BICDL1: variants seen among roughly 807,000 people sequenced by gnomAD.
The protein encoded by BICDL1 is BICD family like cargo adaptor 1, also known as BICD family-like cargo adapter 1.
A neutral mutation model predicts 76.8 loss-of-function variants in BICDL1; 20 were observed. The observed-to-expected ratio is 0.26, with a 90% CI of 0.18 to 0.38. BICDL1 has a LOEUF of 0.38. BICDL1 is among the 10% of genes least tolerant of loss of function. The pLI is 1.00. For missense variants in BICDL1, 700 were observed against 798.6 expected, an observed-to-expected ratio of 0.88 and a Z score of 1.49; for synonymous variants, 383 against 337.1, an observed-to-expected ratio of 1.14 and a Z score of -1.49.
rs1033869619 is a variant in BICDL1, at chr12:120,072,729, G to A, written c.1308G>A (p.Thr436=). 1.2e-6 allele frequency: 2 copies of A among 1,611,072 alleles called. No homozygotes were observed. The highest frequency in any genetic ancestry group is 1.7e-6 in the Non-Finnish European group (2 of 1,179,476). The change falls in exon 6 of 10, where the codon ACG becomes ACA. Residue 436 remains threonine, a splice_region_variant and synonymous_variant. Coordinates refer to ENST00000548673, the MANE Select transcript of BICDL1 (RefSeq NM_001367886.1). ...IQSIVDGMEP[T]GSRRLDDDSL... The stretch of plus-strand genomic sequence containing the variant: ...GCATTGTGGATGGCATGGAGCCCAC[G>A]GTAAGAGGCCAGTCTGAGATGGTCC...
chr12:120,088,427 G>A (rs1264161864), intron 8 of BICDL1, among the ~76,000 whole-genome samples: 1 of 151,966 alleles, frequency 6.6e-6, no homozygotes, highest in Non-Finnish European at 1.5e-5. Flanking sequence ...CACAATCTGG[G>A]CTCACTGCAA....
intron 9 of BICDL1, 58 bp downstream of exon 9, chr12:120,090,129 CAGGCAGAGTGTA>C: frequency 1.3e-6 from 2 of 1,595,468 alleles, no homozygotes; most frequent in Non-Finnish European, 1.7e-6. Flanking sequence ...TCTCTGAACC[CAGGCAGAGTGTA>C]AGGAGAGTTT....
rs924607845 is a variant in BICDL1, at chr12:119,989,312, T to TCGC, written c.-550_-548dup. On this transcript the variant is annotated 5_prime_UTR_variant, in exon 1 of 10. Transcript: ENST00000548673. ...GCCCCTGCAGCAGCAGCAGCCGCCG[T>TCGC]CGCCGCCGCTGCTGCTGGGGCTGCC... 6.7e-6 allele frequency among the ~76,000 whole-genome samples: 1 copy of TCGC among 149,762 alleles called. No individual in the cohort carries two copies. The highest frequency in any genetic ancestry group is 1.5e-5 in the Non-Finnish European group (1 of 67,222).
chr12:120,004,151 C>T (rs1951811110), intron 2 of BICDL1, among the ~76,000 whole-genome samples: 1 of 152,164 alleles, frequency 6.6e-6, no homozygotes. Context: ...CGAGAATTCA[C>T]CTTAAAATAA....
At chr12:120,081,579 C>CCTCAGGT (rs1873992893) in intron 8 of BICDL1, among the ~76,000 whole-genome samples, 1 of 151,934 alleles carries the variant, frequency 6.6e-6, no homozygotes, top group Non-Finnish European at 1.5e-5. Context: ...CAACTCCTGA[C>CCTCAGGT]CTCAGGTGAT....
intron 2 of BICDL1, among the ~76,000 whole-genome samples, chr12:120,028,848 C>T (rs939953162): frequency 6.6e-6 from 1 of 151,982 alleles, no homozygotes; most frequent in African/African-American, 2.4e-5. Context: ...GAAACCCTGT[C>T]TCTAAACAAA....
chr12:120,042,635 T>A (rs1952665956), intron 2 of BICDL1, among the ~76,000 whole-genome samples: 1 of 151,936 alleles, frequency 6.6e-6, no homozygotes, highest in African/African-American at 2.4e-5. Flanking sequence ...TGAAACCCTG[T>A]CTCTACTAAA....
chr12:120,088,663 T>C (rs984918972), intron 8 of BICDL1, among the ~76,000 whole-genome samples: 1 of 138,570 alleles, frequency 7.2e-6, no homozygotes, highest in Non-Finnish European at 1.5e-5. Context: ...GGCCACACTT[T>C]ATGGGGTTTT....
chr12:120,058,070 C>T (rs973196087), intron 2 of BICDL1, among the ~76,000 whole-genome samples: 6 of 151,950 alleles, frequency 3.9e-5, no homozygotes, highest in South Asian at 2.1e-4. Flanking sequence ...CCTGACCTCG[C>T]GATCCACCCG....
intron 2 of BICDL1, among the ~76,000 whole-genome samples, chr12:120,017,544 A>G (rs1952090560): frequency 6.6e-6 from 1 of 152,206 alleles, no homozygotes; most frequent in Non-Finnish European, 1.5e-5. Context: ...AGCGTGGGCA[A>G]CATAGCAAGA....
chr12:120,080,348 C>CG (rs1555293139), intron 7 of BICDL1, among the ~76,000 whole-genome samples: 1 of 152,182 alleles, frequency 6.6e-6, no homozygotes, highest in Non-Finnish European at 1.5e-5. Context: ...ACTTAGGTGT[C>CG]TAAGTTCCCT....
At chr12:119,991,965 T>A (rs563253197) in intron 1 of BICDL1, among the ~76,000 whole-genome samples, 23 of 152,378 alleles carry the variant, frequency 1.5e-4, no homozygotes, top group Admixed American at 3.9e-4. Flanking sequence ...AACTATTTTT[T>A]AAAACCTTCA....
chr12:120,091,342 C>CT, intron 9 of BICDL1: 1 of 1,001,710 alleles, frequency 1.0e-6, no homozygotes, highest in Non-Finnish European at 1.2e-6. Flanking sequence ...GACCTGATTG[C>CT]TTAAAGTTAA....
At chr12:120,026,082 C>G (rs1450791026) in intron 2 of BICDL1, among the ~76,000 whole-genome samples, 1 of 152,150 alleles carries the variant, frequency 6.6e-6, no homozygotes, top group Non-Finnish European at 1.5e-5. Flanking sequence ...AAGCAATCCA[C>G]CCACCTCGGC....
At chr12:120,061,924 AAG>A (rs2138901088) in intron 3 of BICDL1, 98 bp downstream of exon 3, 1 of 754,606 alleles carries the variant, frequency 1.3e-6, no homozygotes, top group Non-Finnish European at 2.3e-6. Flanking sequence ...TCTCTACAGA[AAG>A]ACATTTCTGT....
At chr12:120,000,830 A>G (rs1482964379) in intron 2 of BICDL1, among the ~76,000 whole-genome samples, 1 of 152,222 alleles carries the variant, frequency 6.6e-6, no homozygotes, top group East Asian at 1.9e-4. Context: ...TATGCCTCAT[A>G]CAAGTATTAT....
chr12:120,009,466 T>C (rs539558538), intron 2 of BICDL1, among the ~76,000 whole-genome samples: 24 of 152,316 alleles, frequency 1.6e-4, no homozygotes, highest in East Asian at 1.2e-3. Flanking sequence ...TTAATTACTG[T>C]AGGGGTAGAT....
intron 2 of BICDL1, among the ~76,000 whole-genome samples, chr12:120,047,443 G>C (rs549155000): frequency 1.3e-5 from 2 of 152,296 alleles, no homozygotes; most frequent in African/African-American, 4.8e-5. Flanking sequence ...GCCTAACTTT[G>C]TTGACCCATG....
intron 9 of BICDL1, chr12:120,091,722 C>G: frequency 1.0e-6 from 1 of 985,364 alleles, no homozygotes; most frequent in Non-Finnish European, 1.2e-6. Flanking sequence ...TGCTACCCCA[C>G]GATGACTCAG....
Sources: allele counts gnomAD v4.1 joint callset (sites outside exome capture counted in the v4.1 genomes callset), GRCh38; gene constraint gnomAD v4.1.1; transcripts MANE v1.5; gene names NCBI Gene and HGNC (gene_info 2026-07-23, HGNC 2026-07-21).